COL25A1: variants seen among roughly 807,000 people sequenced by gnomAD.
COL25A1 encodes collagen type XXV alpha 1 chain.
Under a neutral mutation model 128.4 loss-of-function variants are expected in COL25A1, and 103 were observed. The observed-to-expected ratio is 0.80, with a 90% confidence interval of 0.68 to 0.94. The LOEUF is 0.94. Among genes scored for constraint, COL25A1 ranks in the 40% least tolerant of loss-of-function variants. The probability of loss-of-function intolerance (pLI) is 0.00; values close to 1 mark genes in which losing one functional copy is unlikely to be tolerated. For missense variants in COL25A1, 745 were observed against 840.0 expected (o/e 0.89, Z 1.40); for synonymous variants, 279 against 277.2 (o/e 1.01, Z -0.06).
intron 24 of COL25A1, 39 bp downstream of exon 24, chr4:108,859,617 C>CACAG (rs1560761184): frequency 3.8e-6 from 6 of 1,578,204 alleles, no homozygotes; most frequent in Non-Finnish European, 5.2e-6. Flanking sequence ...TCCTCAGCAT[C>CACAG]CTTCTCAGTG....
chr4:109,229,345 C>T (rs1779016843), intron 3 of COL25A1, among the ~76,000 whole-genome samples: 1 of 152,198 alleles, frequency 6.6e-6, no homozygotes, highest in Non-Finnish European at 1.5e-5. Context: ...AGGTTAGATT[C>T]CTGTAAGCCT....
intron 8 of COL25A1, among the ~76,000 whole-genome samples, chr4:108,957,153 ATG>A: frequency 6.6e-6 from 1 of 152,232 alleles, no homozygotes; most frequent in South Asian, 2.1e-4. Context: ...ACCTGGATAA[ATG>A]TGTTTGCTTT....
rs547590863 is a variant in COL25A1, at chr4:109,107,394, T to G, written c.368-57215A>C. Among the ~76,000 whole-genome samples, 3 of 152,358 alleles carry G rather than the reference T, an allele frequency of 2.0e-5. No homozygotes were observed. In the East Asian group the frequency reaches 5.8e-4, roughly 29 times the overall value. On this transcript the variant is annotated intron_variant, in intron 3 of 37. Coordinates refer to ENST00000399132, the MANE Select transcript of COL25A1 (RefSeq NM_198721.4). ...CAACCTCAAAGATGACTAGATATTTTGAAGTTTATACCTCAGTGTAACAAT... is the reference window on the plus strand; with the variant it reads ...CAACCTCAAAGATGACTAGATATTTGGAAGTTTATACCTCAGTGTAACAAT...
At chr4:108,867,358 G>A (rs146693278) in intron 20 of COL25A1, among the ~76,000 whole-genome samples, 140 of 152,212 alleles carry the variant, frequency 9.2e-4, no homozygotes, top group South Asian at 7.7e-3. Context: ...AAATGCAACC[G>A]TTCTTGTATT....
rs1045741835 is a variant in COL25A1 at position 109,225,597 on chromosome 4, T to C, written c.367+74986A>G. ...CCATTTGATACAGCAATTCTACTAC[T>C]GGGTATATACCCCAAAGAAAAGAAA... On this transcript the variant is annotated intron_variant, in intron 3 of 37. Coordinates refer to ENST00000399132, the MANE Select transcript of COL25A1 (RefSeq NM_198721.4). Among the ~76,000 whole-genome samples, 5 of 152,172 alleles carry C rather than the reference T, an allele frequency of 3.3e-5. No homozygotes were observed. The East Asian group carries it at 9.6e-4, about 29-fold the overall frequency.
intron 3 of COL25A1, among the ~76,000 whole-genome samples, chr4:109,248,259 T>A (rs75615559): frequency 6.6e-6 from 1 of 151,038 alleles, no homozygotes; most frequent in Non-Finnish European, 1.5e-5. Flanking sequence ...TTCAATAGAA[T>A]TAATATTTCC....
At chr4:109,047,246 A>T (rs969296956) in intron 5 of COL25A1, among the ~76,000 whole-genome samples, 6 of 152,230 alleles carry the variant, frequency 3.9e-5, no homozygotes, top group African/African-American at 1.2e-4. Context: ...CAGATGAAAA[A>T]AGAAGTGTGA....
chr4:108,867,730 T>C (rs956405848), intron 20 of COL25A1, among the ~76,000 whole-genome samples: 6 of 152,148 alleles, frequency 3.9e-5, no homozygotes, highest in Non-Finnish European at 7.4e-5. Flanking sequence ...CTGCTATGGT[T>C]TAAAAATAAA....
At chr4:109,165,539 G>A (rs1772990479) in intron 3 of COL25A1, among the ~76,000 whole-genome samples, 1 of 152,074 alleles carries the variant, frequency 6.6e-6, no homozygotes, top group Admixed American at 6.5e-5. Flanking sequence ...AACATACTGA[G>A]ACCCAGTCTC....
chr4:109,288,530 T>C (rs953875653), intron 3 of COL25A1, among the ~76,000 whole-genome samples: 1 of 152,138 alleles, frequency 6.6e-6, no homozygotes, highest in African/African-American at 2.4e-5. Flanking sequence ...TGGGCACTAT[T>C]ATTAATAGGG....
chr4:109,279,262 T>A (rs949209562), intron 3 of COL25A1, among the ~76,000 whole-genome samples: 1 of 152,180 alleles, frequency 6.6e-6, no homozygotes, highest in African/African-American at 2.4e-5. Flanking sequence ...GACCCAGGAA[T>A]GCAACAGATT....
rs1730708716 is a variant in COL25A1 at position 108,810,491 on chromosome 4, A to G, written c.*3436T>C. 1 of 151,962 alleles carries G rather than the reference A, an allele frequency of 6.6e-6. No individual in the cohort carries two copies. Among genetic ancestry groups the G allele is most frequent in the African/African-American group, 2.4e-5 (1 of 41,438 alleles). The allele number at this position is 151,962 out of a possible 1,614,324, so 9.4% of individuals were successfully genotyped here. On this transcript the variant is annotated 3_prime_UTR_variant, in exon 38 of 38. Coordinates refer to ENST00000399132, the MANE Select transcript of COL25A1 (RefSeq NM_198721.4). The stretch of plus-strand genomic sequence containing the variant: ...CTATAAAATCACATGAGAAAAAAAA[A>G]TCCTCCAAGACTGCTTTTGCTAATG...
intron 3 of COL25A1, among the ~76,000 whole-genome samples, chr4:109,178,283 TA>T (rs1318026322): frequency 2.0e-5 from 3 of 152,160 alleles, no homozygotes; most frequent in African/African-American, 4.8e-5. Context: ...CTACGTTGGG[TA>T]AGGATTTATT....
rs752620759 is a variant in COL25A1, at chr4:108,884,169, A to G, written c.1020+9T>C. 2 of 1,613,588 alleles carry G rather than the reference A, an allele frequency of 1.2e-6. No individual in the cohort carries two copies. The highest frequency in any genetic ancestry group is 2.2e-5 in the South Asian group (2 of 91,034). ...TCTGTGAAGCCGAGACTGTCCGTGC[A>G]GTATTTACCTTTATCCCCGGAAGTC... is the stretch of plus-strand genomic sequence containing the variant. On this transcript the variant is annotated intron_variant, in intron 19 of 37. Coordinates refer to ENST00000399132, the MANE Select transcript of COL25A1 (RefSeq NM_198721.4).
At chr4:109,073,772 A>C (rs1215053133) in intron 3 of COL25A1, among the ~76,000 whole-genome samples, 1 of 152,226 alleles carries the variant, frequency 6.6e-6, no homozygotes, top group Admixed American at 6.5e-5. Flanking sequence ...TTATTTTGCC[A>C]AATTCTACTA....
intron 3 of COL25A1, among the ~76,000 whole-genome samples, chr4:109,277,547 A>T (rs1031106434): frequency 2.0e-5 from 3 of 152,220 alleles, no homozygotes; most frequent in Non-Finnish European, 4.4e-5. Flanking sequence ...GATTTGTCCT[A>T]TATGAAAATA....
chr4:109,180,086 A>C (rs1386239454), intron 3 of COL25A1, among the ~76,000 whole-genome samples: 1 of 152,172 alleles, frequency 6.6e-6, no homozygotes, highest in Non-Finnish European at 1.5e-5. Context: ...GTTAGAGTGA[A>C]GCCTTCATTT....
At chr4:108,930,951 CTTT>C (rs1329303495) in intron 11 of COL25A1, among the ~76,000 whole-genome samples, 1 of 152,140 alleles carries the variant, frequency 6.6e-6, no homozygotes, top group Non-Finnish European at 1.5e-5. Context: ...AAAATTTCTT[CTTT>C]ATCTAATGAT....
At chr4:109,140,923 A>T (rs186530281) in intron 3 of COL25A1, among the ~76,000 whole-genome samples, 3 of 152,092 alleles carry the variant, frequency 2.0e-5, no homozygotes, top group Non-Finnish European at 4.4e-5. Context: ...AATACCCTTT[A>T]TTTCTTTCTC....
Sources: allele counts gnomAD v4.1 joint callset (sites outside exome capture counted in the v4.1 genomes callset), GRCh38; gene constraint gnomAD v4.1.1; transcripts MANE v1.5; gene names NCBI Gene and HGNC (gene_info 2026-07-23, HGNC 2026-07-21).